The following SLC39A14 variants were observed in gnomAD, a reference collection of about 807,000 sequenced individuals.
SLC39A14 encodes the protein solute carrier family 39 member 14.
SLC39A14 carries 19 observed loss-of-function variants against 45.5 expected under a neutral mutation model. The observed-to-expected ratio is 0.42, with a 90% CI of 0.29 to 0.61. SLC39A14 has a LOEUF of 0.61. Ranked by LOEUF, SLC39A14 falls within the 20% of genes least tolerant of loss-of-function variation. SLC39A14 has a pLI of 0.22. For missense variants in SLC39A14, 447 were observed against 616.5 expected (o/e 0.73, Z 2.91); for synonymous variants, 264 against 251.3 (o/e 1.05, Z -0.48).
At chr8:22,394,343 G>A (rs1022104469) in intron 1 of SLC39A14, among the ~76,000 whole-genome samples, 65 of 99,394 alleles carry the variant, frequency 6.5e-4, no homozygotes, top group African/African-American at 2.6e-3. Flanking sequence ...TTTTTTTTTT[G>A]AGTTGGAATC....
Position 22,422,311 on chromosome 8 carries a change from CCT to C in SLC39A14, c.*2614_*2615del, listed in dbSNP as rs1283998331. On this transcript the variant is annotated 3_prime_UTR_variant, in exon 9 of 9. Transcript: ENST00000381237. ...CTTCACCACCGGCACACAGCTTGCC[CCT>C]GTCTTTGCCCCCAAAGGTATTTTGT... 1 of 985,724 alleles carries C rather than the reference CCT, an allele frequency of 1.0e-6. No homozygotes were observed. Among genetic ancestry groups the C allele is most frequent in the Non-Finnish European group, 1.2e-6 (1 of 829,948 alleles). 61.1% of individuals were successfully genotyped at this position (985,724 alleles called of 1,614,324 possible).
At chr8:22,382,702 C>G (rs1833578428) in intron 1 of SLC39A14, among the ~76,000 whole-genome samples, 1 of 152,052 alleles carries the variant, frequency 6.6e-6, no homozygotes, top group African/African-American at 2.4e-5. Flanking sequence ...ATAAAACTTA[C>G]AACCTTGAGG....
intron 1 of SLC39A14, among the ~76,000 whole-genome samples, chr8:22,392,390 T>TGG (rs1834125436): frequency 6.6e-6 from 1 of 152,086 alleles, no homozygotes; most frequent in Non-Finnish European, 1.5e-5. Flanking sequence ...CCAGGGCGTG[T>TGG]GGCACGTCGT....
intron 1 of SLC39A14, among the ~76,000 whole-genome samples, chr8:22,384,044 C>G (rs1277535725): frequency 6.6e-6 from 1 of 152,170 alleles, no homozygotes; most frequent in African/African-American, 2.4e-5. Flanking sequence ...CCCCCTAACA[C>G]CCAGCAGACG....
chr8:22,400,529 G>C (rs560292514), intron 1 of SLC39A14, among the ~76,000 whole-genome samples: 59 of 152,140 alleles, frequency 3.9e-4, no homozygotes, highest in African/African-American at 1.4e-3. Flanking sequence ...AGTCATTTTT[G>C]CCTAAGATCC....
At chr8:22,433,122 A>G (rs1836493597) in intron 8 of SLC39A14, among the ~76,000 whole-genome samples, 1 of 151,920 alleles carries the variant, frequency 6.6e-6, no homozygotes, top group South Asian at 2.1e-4. Context: ...ACCTATTTAT[A>G]AAGCAATACT....
intron 4 of SLC39A14, among the ~76,000 whole-genome samples, chr8:22,414,131 C>G (rs1835739898): frequency 6.6e-6 from 1 of 152,132 alleles, no homozygotes; most frequent in Non-Finnish European, 1.5e-5. Flanking sequence ...ACAGAATTCT[C>G]TTGATTTCTA....
At chr8:22,391,627 G>C (rs1014562792) in intron 1 of SLC39A14, among the ~76,000 whole-genome samples, 2 of 151,736 alleles carry the variant, frequency 1.3e-5, no homozygotes, top group African/African-American at 4.8e-5. Context: ...GTGGAGTGCA[G>C]TGGCGCGATC....
chr8:22,397,794 G>A (rs1834593121), intron 1 of SLC39A14, among the ~76,000 whole-genome samples: 1 of 152,160 alleles, frequency 6.6e-6, no homozygotes. Flanking sequence ...CAGGCTCAGC[G>A]GTCACAGCCC....
intron 7 of SLC39A14, among the ~76,000 whole-genome samples, chr8:22,417,243 C>T (rs1835940438): frequency 6.6e-6 from 1 of 152,220 alleles, no homozygotes; most frequent in Non-Finnish European, 1.5e-5. Flanking sequence ...TTCTGTTTCA[C>T]TATGAATCCA....
In SLC39A14 at chr8:22,398,834, A is replaced by C. The variant is rs1217010037; in HGVS notation, c.-15-5862A>C. ...TCCAATTATGGGCCTCTGGATGGTA[A>C]GGCAACTTCTGCGCTTCCATAGAGG... On this transcript the variant is annotated intron_variant, in intron 1 of 8. Coordinates refer to ENST00000381237, the MANE Select transcript of SLC39A14 (RefSeq NM_001128431.4). 3.7e-6 allele frequency: 3 copies of C among 800,666 alleles called. No homozygotes were observed. The Admixed American group carries it at 1.9e-4, about 50-fold the overall frequency. 49.6% of individuals were successfully genotyped at this position (800,666 alleles called of 1,614,324 possible). A position where few individuals can be genotyped will look rare whatever the true frequency, so the allele number is the denominator to read the frequency against.
At chr8:22,399,054 A>G (rs1383501816) in intron 1 of SLC39A14, among the ~76,000 whole-genome samples, 1 of 152,188 alleles carries the variant, frequency 6.6e-6, no homozygotes, top group East Asian at 1.9e-4. Context: ...CTCCCAAGCC[A>G]CAGCACACTT....
At position 22,421,311 on chromosome 8, in the gene SLC39A14, T is replaced by A. The variant is rs962206764; in HGVS notation, c.*1613T>A. 1.0e-6 allele frequency: 1 copy of A among 985,784 alleles called. No individual in the cohort carries two copies. The highest frequency in any genetic ancestry group is 1.2e-6 in the Non-Finnish European group (1 of 829,950). 61.1% of individuals were successfully genotyped at this position (985,784 alleles called of 1,614,324 possible). ...CAGCATCCGTTTTGTTTTCTCTTCT[T>A]GGGAGACATCTGTCAAACCAGGAAT... On this transcript the variant is annotated 3_prime_UTR_variant, in exon 9 of 9. Coordinates refer to ENST00000381237, the MANE Select transcript of SLC39A14 (RefSeq NM_001128431.4).
chr8:22,381,693 AC>A (rs1833523561), intron 1 of SLC39A14, among the ~76,000 whole-genome samples: 1 of 152,244 alleles, frequency 6.6e-6, no homozygotes, highest in South Asian at 2.1e-4. Flanking sequence ...GACATATTTG[AC>A]TTTACCTCTT....
chr8:22,374,600 C>T (rs866949278), intron 1 of SLC39A14, among the ~76,000 whole-genome samples: 1 of 151,838 alleles, frequency 6.6e-6, no homozygotes, highest in African/African-American at 2.4e-5. Context: ...AGTGAGGTAG[C>T]TGGAAATGTA....
intron 1 of SLC39A14, among the ~76,000 whole-genome samples, chr8:22,384,586 A>G (rs1483681896): frequency 6.6e-6 from 1 of 151,892 alleles, no homozygotes; most frequent in Non-Finnish European, 1.5e-5. Flanking sequence ...TGTCTCTACA[A>G]AAAATACAAA....
At chr8:22,429,974 A>G (rs1398963803) in intron 8 of SLC39A14, among the ~76,000 whole-genome samples, 2 of 152,238 alleles carry the variant, frequency 1.3e-5, no homozygotes, top group African/African-American at 4.8e-5. Flanking sequence ...GGCCAACGCA[A>G]GAATGCTGAG....
chr8:22,433,904 C>T (rs1403985407), exon 9 of SLC39A14: 2 of 395,144 alleles, frequency 5.1e-6, no homozygotes, highest in African/African-American at 2.1e-5. Context: ...GAGTTTTGCT[C>T]TGTTGCCCAG....
chr8:22,415,712 A>C, intron 5 of SLC39A14, 57 bp from the exon 6 acceptor site: 5 of 1,537,196 alleles, frequency 3.3e-6, no homozygotes, highest in Non-Finnish European at 3.5e-6. Flanking sequence ...GCAGGTGCTC[A>C]ATCAGGTTTG....
Sources: gnomAD v4.1 joint callset for allele counts (sites outside exome capture counted in the v4.1 genomes callset) on GRCh38, gnomAD v4.1.1 for gene constraint, MANE v1.5 for transcripts, NCBI Gene and HGNC (gene_info 2026-07-23, HGNC 2026-07-21) for gene names.